SSBP3: variants seen among roughly 807,000 people sequenced by gnomAD.
The protein encoded by SSBP3 is single-stranded DNA-binding protein 3.
SSBP3 carries 5 observed loss-of-function variants against 69.6 expected under a neutral mutation model. The ratio of observed to expected loss-of-function variants is 0.07; its 90% CI spans 0.04 to 0.15. SSBP3 has a LOEUF of 0.15. SSBP3 is among the 10% of genes least tolerant of loss of function. The pLI, the probability that SSBP3 is intolerant of heterozygous loss-of-function variation, is 1.00. For missense variants in SSBP3, 312 were observed against 534.0 expected (o/e 0.58, Z 4.10); for synonymous variants, 196 against 193.4 (o/e 1.01, Z -0.11).
intron 17 of SSBP3, 66 bp downstream of exon 17, chr1:54,228,189 G>A (rs757269839): frequency 2.7e-5 from 40 of 1,465,140 alleles, no homozygotes; most frequent in South Asian, 3.4e-5. Context: ...TCCGTAGCTC[G>A]CAACTTGTTA....
At chr1:54,324,088 G>A (rs989788097) in intron 4 of SSBP3, among the ~76,000 whole-genome samples, 8 of 152,208 alleles carry the variant, frequency 5.3e-5, no homozygotes, top group East Asian at 1.9e-4. Context: ...GAGGTTAAGC[G>A]TGTTGCCTGC....
At chr1:54,359,776 GGTGA>G (rs1557562536) in intron 4 of SSBP3, among the ~76,000 whole-genome samples, 2 of 152,200 alleles carry the variant, frequency 1.3e-5, no homozygotes, top group African/African-American at 4.8e-5. Flanking sequence ...AAATGGAGCA[GGTGA>G]GCATTCATCA....
chr1:54,316,660 TAAAATAAATAAATAAA>T (rs1168960315), intron 4 of SSBP3, among the ~76,000 whole-genome samples: 3 of 27,600 alleles, frequency 1.1e-4, no homozygotes, highest in Non-Finnish European at 1.9e-4. Flanking sequence ...AAAAAAAAAA[TAAAATAAATAAATAAA>T]TAAATAAATA....
At chr1:54,362,425 G>A (rs1448019263) in intron 4 of SSBP3, among the ~76,000 whole-genome samples, 1 of 152,216 alleles carries the variant, frequency 6.6e-6, no homozygotes, top group African/African-American at 2.4e-5. Flanking sequence ...AGAGTGAAGG[G>A]CCCCCAGGGG....
At chr1:54,229,406 G>A (rs1427521134) in intron 14 of SSBP3, among the ~76,000 whole-genome samples, 1 of 152,198 alleles carries the variant, frequency 6.6e-6, no homozygotes, top group Non-Finnish European at 1.5e-5. Context: ...GATGTTTCCT[G>A]GGGCTGGGCG....
intron 4 of SSBP3, among the ~76,000 whole-genome samples, chr1:54,375,686 C>T (rs1005466186): frequency 2.0e-5 from 3 of 152,174 alleles, no homozygotes; most frequent in Non-Finnish European, 4.4e-5. Context: ...TGGTGAGGGG[C>T]GAGCACCTCA....
intron 4 of SSBP3, among the ~76,000 whole-genome samples, chr1:54,322,281 G>A (rs1204638132): frequency 6.6e-6 from 1 of 152,212 alleles, no homozygotes; most frequent in East Asian, 1.9e-4. Flanking sequence ...TGAGGCATCA[G>A]AGATTCATCG....
intron 9 of SSBP3, among the ~76,000 whole-genome samples, chr1:54,247,322 T>C (rs1439754598): frequency 6.6e-6 from 1 of 152,204 alleles, no homozygotes; most frequent in African/African-American, 2.4e-5. Context: ...CCTTAGGGGA[T>C]AGCTCTCCTA....
intron 4 of SSBP3, among the ~76,000 whole-genome samples, chr1:54,364,172 A>G (rs1280635259): frequency 2.0e-5 from 3 of 152,188 alleles, no homozygotes; most frequent in African/African-American, 7.2e-5. Context: ...ACACCCATTC[A>G]TTTCTGTCCT....
intron 5 of SSBP3, among the ~76,000 whole-genome samples, chr1:54,278,979 T>C (rs558613217): frequency 6.6e-6 from 1 of 152,352 alleles, no homozygotes; most frequent in East Asian, 1.9e-4. Context: ...TCCAGAGAGA[T>C]ACCCTTTCCC....
chr1:54,382,353 A>C (rs549980358), intron 4 of SSBP3, among the ~76,000 whole-genome samples: 4 of 152,284 alleles, frequency 2.6e-5, no homozygotes, highest in African/African-American at 9.6e-5. Context: ...AGAATTACAG[A>C]TGTTACCCAC....
chr1:54,295,648 T>TA (rs1302813069), intron 4 of SSBP3, among the ~76,000 whole-genome samples: 1 of 152,132 alleles, frequency 6.6e-6, no homozygotes, highest in Non-Finnish European at 1.5e-5. Flanking sequence ...CAAGAGATTT[T>TA]AAAAAAACAA....
chr1:54,394,089 C>G (rs984483869), intron 4 of SSBP3, among the ~76,000 whole-genome samples: 2 of 152,146 alleles, frequency 1.3e-5, no homozygotes, highest in African/African-American at 4.8e-5. Context: ...CATTTTCCAC[C>G]CGAGGAAGTT....
intron 9 of SSBP3, among the ~76,000 whole-genome samples, chr1:54,244,435 T>TG (rs747478382): frequency 6.6e-6 from 1 of 150,776 alleles, no homozygotes; most frequent in Non-Finnish European, 1.5e-5. Flanking sequence ...TTTGTAGAGA[T>TG]GGGGTCTCCC....
intron 14 of SSBP3, among the ~76,000 whole-genome samples, chr1:54,234,768 G>GAA (rs57587408): frequency 1.7e-4 from 23 of 138,470 alleles, no homozygotes; most frequent in South Asian, 4.7e-4. Context: ...TTTTATAAAA[G>GAA]AAAAAAAAAA....
At chr1:54,356,894 C>CT (rs1350100117) in intron 4 of SSBP3, 6 of 152,276 alleles carry the variant, frequency 3.9e-5, no homozygotes, top group African/African-American at 1.2e-4. Flanking sequence ...AATGTAGGGA[C>CT]TTTCCTCAGC....
chr1:54,270,265 C>T (rs548906356), intron 5 of SSBP3, among the ~76,000 whole-genome samples: 1 of 152,164 alleles, frequency 6.6e-6, no homozygotes, highest in Non-Finnish European at 1.5e-5. Context: ...CTCCCCAGGT[C>T]AGAGCTGGTC....
intron 5 of SSBP3, among the ~76,000 whole-genome samples, chr1:54,265,770 G>A (rs1192912307): frequency 6.6e-6 from 1 of 152,242 alleles, no homozygotes; most frequent in African/African-American, 2.4e-5. Context: ...TCCTTGCAAA[G>A]GTGAGCAAAT....
intron 4 of SSBP3, among the ~76,000 whole-genome samples, chr1:54,299,752 CT>C (rs1466438160): frequency 6.6e-6 from 1 of 152,020 alleles, no homozygotes; most frequent in Non-Finnish European, 1.5e-5. Flanking sequence ...CATCAGGCCC[CT>C]CATTAGTTTA....
Sources: gnomAD v4.1 joint callset for allele counts (sites outside exome capture counted in the v4.1 genomes callset) on GRCh38, gnomAD v4.1.1 for gene constraint, MANE v1.5 for transcripts, NCBI Gene and HGNC (gene_info 2026-07-23, HGNC 2026-07-21) for gene names.